Variants in ARMC6 observed in about 807,000 individuals in gnomAD.
ARMC6 encodes armadillo repeat-containing protein 6.
A neutral mutation model predicts 49.2 loss-of-function variants in ARMC6; 43 were observed. The ratio of observed to expected loss-of-function variants is 0.87; its 90% CI spans 0.69 to 1.13. The LOEUF is 1.13. ARMC6 is among the 50% of genes most tolerant of loss of function. The pLI is 0.00. For missense variants in ARMC6, 627 were observed against 682.0 expected (o/e 0.92, Z 0.90); for synonymous variants, 262 against 289.6 (o/e 0.90, Z 0.97).
chr19:19,046,052 C>T (rs1306577245), intron 4 of ARMC6, among the ~76,000 whole-genome samples: 1 of 152,176 alleles, frequency 6.6e-6, no homozygotes, highest in African/African-American at 2.4e-5. Context: ...CACGCCCCTG[C>T]ACCCCGAAAG....
At chr19:19,056,046 T>C in intron 8 of ARMC6, 118 bp downstream of exon 8, 1 of 1,179,940 alleles carries the variant, frequency 8.5e-7, no homozygotes, top group South Asian at 1.9e-5. Flanking sequence ...GCTCAGTCCC[T>C]ATCCCTATCC....
Position 19,044,511 on chromosome 19 carries a change from G to A in ARMC6, c.279+437G>A, listed in dbSNP as rs117526055. The stretch of plus-strand genomic sequence containing the variant: ...GAAGCTCACCAGTGAAGTAGGTGGT[G>A]TCATTCCTGTCTTAGTGATGGGGAA... On this transcript the variant is annotated intron_variant, in intron 4 of 8. Coordinates refer to ENST00000535612, the MANE Select transcript of ARMC6 (RefSeq NM_001199196.2). Among the ~76,000 whole-genome samples the A allele has an allele frequency of 1.3e-4, 20 of 152,386 alleles. No homozygotes were observed. The East Asian group carries it at 3.9e-3, about 29-fold the overall frequency.
At chr19:19,034,317 T>C (rs1197448229) in intron 2 of ARMC6, 79 bp downstream of exon 2, 1 of 1,522,084 alleles carries the variant, frequency 6.6e-7, no homozygotes, top group South Asian at 1.2e-5. Context: ...TTTTGAAGGC[T>C]GTCTCTTGAG....
chr19:19,046,927 G>GTTTTTTTTTTTTT (rs386388691), intron 4 of ARMC6, among the ~76,000 whole-genome samples: 6 of 104,340 alleles, frequency 5.8e-5, no homozygotes, highest in Non-Finnish European at 5.5e-5. Flanking sequence ...ATGCTCACCT[G>GTTTTTTTTTTTTT]TTTTTTTTTT....
chr19:19,034,040 A>T, intron 1 of ARMC6, 91 bp from the exon 2 acceptor site: 1 of 578,940 alleles, frequency 1.7e-6, no homozygotes, highest in Non-Finnish European at 3.0e-6. Context: ...GAAAAAAAAA[A>T]TGAAAGAATT....
intron 5 of ARMC6, among the ~76,000 whole-genome samples, chr19:19,053,693 T>A (rs1223634273): frequency 6.6e-6 from 1 of 152,140 alleles, no homozygotes; most frequent in Non-Finnish European, 1.5e-5. Flanking sequence ...TGCTTCCTGG[T>A]GCAGCGCCTC....
intron 2 of ARMC6, among the ~76,000 whole-genome samples, chr19:19,035,489 C>T (rs2059355999): frequency 6.6e-6 from 1 of 152,254 alleles, no homozygotes; most frequent in Admixed American, 6.5e-5. Flanking sequence ...CATCTCCAGG[C>T]ACCATCTTAT....
chr19:19,040,953 G>T (rs1375996299), intron 2 of ARMC6, among the ~76,000 whole-genome samples: 1 of 152,086 alleles, frequency 6.6e-6, no homozygotes, highest in Admixed American at 6.6e-5. Context: ...CCCATGACCT[G>T]CTGGGACTTG....
chr19:19,056,429 T>C (rs1049812890), intron 8 of ARMC6, among the ~76,000 whole-genome samples: 1 of 152,086 alleles, frequency 6.6e-6, no homozygotes, highest in African/African-American at 2.4e-5. Flanking sequence ...GCCCAGCTAA[T>C]TTTTGTATTT....
At chr19:19,037,563 C>A in intron 2 of ARMC6, 1 of 904,148 alleles carries the variant, frequency 1.1e-6, no homozygotes, top group Non-Finnish European at 1.6e-6. Context: ...GATGGAGTTT[C>A]GCCACGTGTC....
intron 2 of ARMC6, among the ~76,000 whole-genome samples, chr19:19,036,785 G>A (rs1230496529): frequency 6.6e-6 from 1 of 152,222 alleles, no homozygotes; most frequent in Non-Finnish European, 1.5e-5. Context: ...TATTGAGCCT[G>A]TCCATATCCT....
chr19:19,051,793 G>C lies in ARMC6; in HGVS notation c.451G>C (p.Asp151His). 6.2e-7 allele frequency: 1 copy of C among 1,614,044 alleles called. No individual in the cohort carries two copies. Among genetic ancestry groups the C allele is most frequent in the Non-Finnish European group, 8.5e-7 (1 of 1,180,032 alleles). ...TGCCTGGAAGCTGGCCACTGCAGGT[G>C]ACCAGGGCCTTCTGCTCCAGTCCCT... ...FTAWKLATAG[D>H]QGLLLQSLNA... The change falls in exon 5 of 9, where the codon GAC (aspartate) becomes CAC (histidine). Residue 151 changes from aspartate to histidine, a missense_variant. Coordinates refer to ENST00000535612, the MANE Select transcript of ARMC6 (RefSeq NM_001199196.2).
chr19:19,034,097 G>C, intron 1 of ARMC6, 34 bp from the exon 2 acceptor site: 1 of 729,314 alleles, frequency 1.4e-6, no homozygotes, highest in South Asian at 1.6e-5. Context: ...CCTGGCATTC[G>C]CTTTATTTTC....
Position 19,054,322 on chromosome 19 carries a change from G to A in ARMC6, c.1023+1G>A. ...GATGAGGGACCAGAGCGGCGTTCAGGTATGAAGTCCCCCTGGCCCATTGCG... is the reference window on the plus strand; with the variant it reads ...GATGAGGGACCAGAGCGGCGTTCAGATATGAAGTCCCCCTGGCCCATTGCG... On this transcript the variant is annotated splice_donor_variant, in intron 6 of 8. Coordinates refer to ENST00000535612, the MANE Select transcript of ARMC6 (RefSeq NM_001199196.2). LOFTEE classifies it high-confidence loss of function. 1 of 1,571,626 alleles carries A rather than the reference G, an allele frequency of 6.4e-7. No homozygotes were observed. The highest frequency in any genetic ancestry group is 8.6e-7 in the Non-Finnish European group (1 of 1,157,792).
intron 3 of ARMC6, among the ~76,000 whole-genome samples, chr19:19,043,180 C>G (rs1300105825): frequency 2.6e-5 from 4 of 152,242 alleles, no homozygotes; most frequent in Admixed American, 6.5e-5. Flanking sequence ...CCTCCCTGCC[C>G]TACTCTACCC....
Position 19,052,203 on chromosome 19 carries a change from C to G in ARMC6, c.853+8C>G. 1 of 1,579,586 alleles carries G rather than the reference C, an allele frequency of 6.3e-7. No homozygotes were observed. The highest frequency in any genetic ancestry group is 2.2e-5 in the East Asian group (1 of 44,632). ...TCATCGAAGCCACCAAAGGTAAGAG[C>G]TGGGGGCCGACACGAGCCAGCGAAC... is the stretch of plus-strand genomic sequence containing the variant. On this transcript the variant is annotated splice_region_variant and intron_variant, in intron 5 of 8. Coordinates refer to ENST00000535612, the MANE Select transcript of ARMC6 (RefSeq NM_001199196.2).
intron 8 of ARMC6, among the ~76,000 whole-genome samples, chr19:19,056,702 T>C (rs1233942762): frequency 6.6e-6 from 1 of 152,178 alleles, no homozygotes; most frequent in Non-Finnish European, 1.5e-5. Flanking sequence ...TGGGACACCC[T>C]GTCCACACCT....
rs2059540016 is a variant in ARMC6, at chr19:19,055,869, G to A, written c.1234G>A (p.Gly412Ser). 2.5e-6 allele frequency: 4 copies of A among 1,613,134 alleles called. No individual in the cohort carries two copies. Among genetic ancestry groups the A allele is most frequent in the South Asian group, 2.2e-5 (2 of 91,022 alleles). ...CAACAGCCGCATCATCGTGGAGGGT[G>A]GCGGGGCTGTGGCAGCACTGCAGGC... The part of the protein sequence containing the change: ...PDNSRIIVEG[G>S]GAVAALQAMK... The change falls in exon 8 of 9, where the codon GGC (glycine) becomes AGC (serine). Residue 412 changes from glycine (G) to serine (S), a missense_variant. Gly to Ser is a moderately conservative substitution (Grantham distance 56). Coordinates refer to ENST00000535612, the MANE Select transcript of ARMC6 (RefSeq NM_001199196.2). This position sits in a 1 kb window ranked among gnomAD's most constrained non-coding sequence, Gnocchi z 5.7.
At chr19:19,052,321 T>TAGACCTGCCTGCATGGCAGCCCTCGTGA in intron 5 of ARMC6, 126 bp downstream of exon 5, 1 of 870,390 alleles carries the variant, frequency 1.1e-6, no homozygotes. Flanking sequence ...CCCCTCGGCT[T>TAGACCTGCCTGCATGGCAGCCCTCGTGA]AGACCTGCCT....
Sources: gnomAD v4.1 joint callset for allele counts (sites outside exome capture counted in the v4.1 genomes callset) on GRCh38, gnomAD v4.1.1 for gene constraint, Gnocchi (gnomAD v3.1) non-coding constraint, MANE v1.5 for transcripts, NCBI Gene and HGNC (gene_info 2026-07-23, HGNC 2026-07-21) for gene names.